The following POU6F2 variants were observed in gnomAD, a reference collection of about 807,000 sequenced individuals.
POU6F2 encodes the protein POU domain, class 6, transcription factor 2.
In POU6F2, 31 loss-of-function variants were observed where a neutral mutation model predicts 71.3. The observed-to-expected ratio is 0.43, with a 90% CI of 0.33 to 0.59. The LOEUF (loss-of-function observed/expected upper bound fraction) is 0.59. Among genes scored for constraint, POU6F2 ranks in the 20% least tolerant of loss-of-function variants. POU6F2 has a pLI of 0.04. For missense variants in POU6F2, 783 were observed against 856.8 expected (o/e 0.91, Z 1.07); for synonymous variants, 347 against 355.7 (o/e 0.98, Z 0.27).
At chr7:39,414,352 A>G (rs1787623442) in intron 6 of POU6F2, among the ~76,000 whole-genome samples, 2 of 152,194 alleles carry the variant, frequency 1.3e-5, no homozygotes, top group African/African-American at 4.8e-5. Flanking sequence ...CAAAAGTCCC[A>G]GGGACTCGTA....
intron 8 of POU6F2, among the ~76,000 whole-genome samples, chr7:39,453,617 A>G (rs2116128068): frequency 6.6e-6 from 1 of 152,368 alleles, no homozygotes; most frequent in South Asian, 2.1e-4. Context: ...AGTCAGATGG[A>G]TGGAACTGGG....
At chr7:39,107,606 A>G (rs765285962) in intron 2 of POU6F2, among the ~76,000 whole-genome samples, 23 of 152,262 alleles carry the variant, frequency 1.5e-4, no homozygotes, top group Middle Eastern at 3.4e-3. Context: ...TAAATGGAGG[A>G]AAGTTTAATA....
In POU6F2 at chr7:39,464,970, G is replaced by A; in HGVS notation, c.*284G>A. The A allele has an allele frequency of 2.8e-6, 1 of 352,258 alleles. No homozygotes were observed. Among genetic ancestry groups the A allele is most frequent in the Non-Finnish European group, 5.1e-6 (1 of 196,598 alleles). The allele number at this position is 352,258 out of a possible 1,614,324, so 21.8% of individuals were successfully genotyped here. ...GTAGGATAGTTCCCTTCCCCCACCTGTCTCCCCCAAAGCCAGTTTTTTAAT... is the reference window on the plus strand; with the variant it reads ...GTAGGATAGTTCCCTTCCCCCACCTATCTCCCCCAAAGCCAGTTTTTTAAT... On this transcript the variant is annotated 3_prime_UTR_variant, in exon 10 of 10. Coordinates refer to ENST00000518318, the MANE Select transcript of POU6F2 (RefSeq NM_001370959.1). The surrounding 1 kb of genome is among the most constrained non-coding windows in gnomAD (Gnocchi z 4.1).
At chr7:39,093,288 A>T (rs1336925588) in intron 2 of POU6F2, among the ~76,000 whole-genome samples, 1 of 152,150 alleles carries the variant, frequency 6.6e-6, no homozygotes, top group African/African-American at 2.4e-5. Flanking sequence ...TAATATAATT[A>T]TACATGAACT....
intron 2 of POU6F2, among the ~76,000 whole-genome samples, chr7:39,167,150 A>G (rs1200968152): frequency 2.6e-5 from 4 of 152,226 alleles, no homozygotes; most frequent in African/African-American, 7.2e-5. Context: ...TGTTGTATAT[A>G]TAATATCTAT....
intron 4 of POU6F2, among the ~76,000 whole-genome samples, chr7:39,319,006 G>C (rs1164499241): frequency 6.6e-6 from 1 of 152,104 alleles, no homozygotes; most frequent in Non-Finnish European, 1.5e-5. Context: ...GTTGGATGTG[G>C]TGGTGCATGC....
intron 1 of POU6F2, among the ~76,000 whole-genome samples, chr7:38,983,409 G>A (rs1218275699): frequency 1.6e-5 from 1 of 63,538 alleles, no homozygotes; most frequent in African/African-American, 5.8e-5. Context: ...TTTTTTTTTT[G>A]TAGGTGAAAT....
chr7:39,028,129 A>G (rs886766092), intron 1 of POU6F2, among the ~76,000 whole-genome samples: 3 of 151,694 alleles, frequency 2.0e-5, no homozygotes, highest in African/African-American at 7.3e-5. Context: ...TGACATTCCT[A>G]TTTTATCTCT....
chr7:39,440,218 C>T (rs533327655), intron 7 of POU6F2, among the ~76,000 whole-genome samples: 1 of 152,218 alleles, frequency 6.6e-6, no homozygotes, highest in African/African-American at 2.4e-5. Flanking sequence ...CCTGAATTTG[C>T]ATGTTGGCCT....
chr7:39,174,743 C>G (rs937980536), intron 2 of POU6F2, among the ~76,000 whole-genome samples: 6 of 152,118 alleles, frequency 3.9e-5, no homozygotes, highest in African/African-American at 9.7e-5. Context: ...TTCTTACAAC[C>G]ACTCAAGTCC....
At chr7:39,080,826 C>G (rs537470671) in intron 1 of POU6F2, among the ~76,000 whole-genome samples, 1 of 152,174 alleles carries the variant, frequency 6.6e-6, no homozygotes, top group Non-Finnish European at 1.5e-5. Flanking sequence ...TTAATTATCT[C>G]GCTATCTTTA....
intron 1 of POU6F2, among the ~76,000 whole-genome samples, chr7:38,982,881 A>G (rs1788359091): frequency 6.6e-6 from 1 of 152,108 alleles, no homozygotes. Context: ...GTTTGCATGT[A>G]ATAAGTTTCC....
intron 4 of POU6F2, among the ~76,000 whole-genome samples, chr7:39,313,056 GC>G (rs148290901): frequency 0.21 from 31,314 of 152,100 alleles, 3,481 homozygotes; most frequent in African/African-American, 0.3. Context: ...AATCCACTCA[GC>G]AAACAGAGGA....
At position 39,289,939 on chromosome 7, in the gene POU6F2, C is replaced by T. The variant is rs79346278; in HGVS notation, c.599-49703C>T. Among the ~76,000 whole-genome samples the T allele has an allele frequency of 6.2e-3, 950 of 152,176 alleles. 28 individuals carry two copies. The East Asian group carries it at 0.083, about 13-fold the overall frequency. On this transcript the variant is annotated intron_variant, in intron 4 of 9. Transcript: ENST00000518318. ...GTTGGACCATCTCAGCTTAGTCAGA[C>T]GGACTTGGGCCTCAGTTCTCACCAC... is the stretch of plus-strand genomic sequence containing the variant.
chr7:39,424,322 C>T (rs1017072383), intron 6 of POU6F2, among the ~76,000 whole-genome samples: 1 of 152,152 alleles, frequency 6.6e-6, no homozygotes, highest in African/African-American at 2.4e-5. Flanking sequence ...ATTGACTCCC[C>T]CATCTCCTAT....
intron 4 of POU6F2, among the ~76,000 whole-genome samples, chr7:39,269,955 GCT>G (rs1267051876): frequency 6.6e-6 from 1 of 152,188 alleles, no homozygotes; most frequent in South Asian, 2.1e-4. Flanking sequence ...GTCAAGACGA[GCT>G]CTCAATATTT....
At chr7:39,346,746 A>G (rs1340817648) in intron 5 of POU6F2, among the ~76,000 whole-genome samples, 1 of 152,234 alleles carries the variant, frequency 6.6e-6, no homozygotes, top group Non-Finnish European at 1.5e-5. Flanking sequence ...ACTTAATACA[A>G]TATTCTACTG....
intron 4 of POU6F2, among the ~76,000 whole-genome samples, chr7:39,317,457 T>C (rs931134855): frequency 1.3e-5 from 2 of 152,238 alleles, no homozygotes; most frequent in African/African-American, 4.8e-5. Flanking sequence ...CAAATGAAGA[T>C]GTATTCACAA....
At chr7:39,205,745 C>G (rs572406166) in intron 3 of POU6F2, among the ~76,000 whole-genome samples, 1 of 152,162 alleles carries the variant, frequency 6.6e-6, no homozygotes, top group African/African-American at 2.4e-5. Context: ...AGGAGCAAGG[C>G]CTGTGGGGTC....
Sources: gnomAD v4.1 joint callset for allele counts (sites outside exome capture counted in the v4.1 genomes callset) on GRCh38, gnomAD v4.1.1 for gene constraint, Gnocchi (gnomAD v3.1) non-coding constraint, MANE v1.5 for transcripts, NCBI Gene and HGNC (gene_info 2026-07-23, HGNC 2026-07-21) for gene names.